Variants in OSBP2 observed in about 807,000 individuals in gnomAD.
OSBP2 encodes oxysterol binding protein 2, also known as oxysterol-binding protein 2.
OSBP2 carries 66 observed loss-of-function variants against 96.0 expected under a neutral mutation model. The ratio of observed to expected loss-of-function variants is 0.69; its 90% confidence interval spans 0.56 to 0.84. The LOEUF is 0.84. Among genes scored for constraint, OSBP2 ranks in the 40% least tolerant of loss-of-function variants. The pLI, the probability that OSBP2 is intolerant of heterozygous loss-of-function variation, is 0.00. For synonymous variants in OSBP2, 525 were observed against 520.9 expected, an observed-to-expected ratio of 1.01 and a Z score of -0.11; for missense variants, 1,038 against 1,222.7, an observed-to-expected ratio of 0.85 and a Z score of 2.25.
intron 2 of OSBP2, among the ~76,000 whole-genome samples, chr22:30,818,678 G>A (rs905827523): frequency 2.6e-5 from 4 of 152,164 alleles, no homozygotes; most frequent in African/African-American, 9.7e-5. Flanking sequence ...GTGTGTGTGT[G>A]CCACATTATT....
At chr22:30,822,786 C>A in intron 2 of OSBP2, 2 of 1,306,458 alleles carry the variant, frequency 1.5e-6, no homozygotes, top group Non-Finnish European at 2.1e-6. Context: ...GGCTTTGCTG[C>A]GTGATCGATC....
chr22:30,887,400 T>G (rs1028957993), intron 3 of OSBP2, 26 bp from the exon 4 acceptor site: 15 of 1,599,526 alleles, frequency 9.4e-6, no homozygotes, highest in Non-Finnish European at 1.3e-5. Context: ...GGCCAGGGTC[T>G]CATACCGCCA....
intron 2 of OSBP2, among the ~76,000 whole-genome samples, chr22:30,774,409 T>C (rs907027489): frequency 1.2e-4 from 19 of 152,172 alleles, no homozygotes; most frequent in African/African-American, 4.1e-4. Context: ...GTGGAGAGCA[T>C]TGTCATTGGA....
At chr22:30,793,762 A>G (rs946571122) in intron 2 of OSBP2, among the ~76,000 whole-genome samples, 6 of 152,210 alleles carry the variant, frequency 3.9e-5, no homozygotes, top group Non-Finnish European at 8.8e-5. Context: ...TGGGAGGCTG[A>G]GCCCAGGAGT....
At chr22:30,879,530 C>T (rs1232677476) in intron 3 of OSBP2, among the ~76,000 whole-genome samples, 2 of 152,082 alleles carry the variant, frequency 1.3e-5, no homozygotes, top group East Asian at 3.9e-4. Flanking sequence ...GGGCCAAGCG[C>T]TCCTGTGAGG....
intron 1 of OSBP2, among the ~76,000 whole-genome samples, chr22:30,698,156 T>C (rs1488186645): frequency 6.6e-6 from 1 of 152,148 alleles, no homozygotes; most frequent in African/African-American, 2.4e-5. Context: ...ATGCGCCAAA[T>C]GTGCCCAGTG....
intron 2 of OSBP2, among the ~76,000 whole-genome samples, chr22:30,839,724 T>C (rs998341160): frequency 4.0e-5 from 6 of 151,738 alleles, no homozygotes. Context: ...TTGAGTTCAT[T>C]GTAGATTCTG....
Position 30,881,768 on chromosome 22 carries a change from C to A in OSBP2, c.1108-5658C>A. The A allele has an allele frequency of 7.7e-7, 1 of 1,304,202 alleles. No homozygotes were observed. The highest frequency in any genetic ancestry group is 1.0e-6 in the Non-Finnish European group (1 of 988,936). 80.8% of individuals were successfully genotyped at this position (1,304,202 alleles called of 1,614,324 possible). ...GGGGCCTGGAGAAGGCCGGCAGCAGCAGAGGAGACCCTGGGAGTCAGGGAT... is the reference window on the plus strand; with the variant it reads ...GGGGCCTGGAGAAGGCCGGCAGCAGAAGAGGAGACCCTGGGAGTCAGGGAT... On this transcript the variant is annotated intron_variant, in intron 3 of 13. Transcript: ENST00000332585. This position sits in a 1 kb window ranked among gnomAD's most constrained non-coding sequence, Gnocchi z 4.5.
chr22:30,712,585 T>C (rs996374629), intron 1 of OSBP2, among the ~76,000 whole-genome samples: 2 of 152,196 alleles, frequency 1.3e-5, no homozygotes, highest in African/African-American at 2.4e-5. Context: ...ATCTTTTATA[T>C]GTGTGGATCT....
intron 2 of OSBP2, among the ~76,000 whole-genome samples, chr22:30,848,063 CTTAAAGG>C (rs1477218846): frequency 6.6e-6 from 1 of 152,062 alleles, no homozygotes; most frequent in Non-Finnish European, 1.5e-5. Flanking sequence ...CTGACTATGT[CTTAAAGG>C]TTTTTTCCAT....
chr22:30,720,649 G>A (rs1345597939), intron 1 of OSBP2, among the ~76,000 whole-genome samples: 1 of 152,156 alleles, frequency 6.6e-6, no homozygotes, highest in South Asian at 2.1e-4. Flanking sequence ...TCTGTCAACA[G>A]CCCTGCTTGG....
chr22:30,790,653 TA>T (rs136297), intron 2 of OSBP2, among the ~76,000 whole-genome samples: 40,656 of 136,836 alleles, frequency 0.3, 5,893 homozygotes, highest in Middle Eastern at 0.36. Flanking sequence ...CAAACTGCAT[TA>T]AAAAAAAAAA....
intron 2 of OSBP2, among the ~76,000 whole-genome samples, chr22:30,792,340 C>G (rs1487134333): frequency 6.6e-6 from 1 of 151,956 alleles, no homozygotes; most frequent in Non-Finnish European, 1.5e-5. Context: ...AATTATCAAT[C>G]ACTATGGTTT....
chr22:30,820,053 T>G (rs2091129390), intron 2 of OSBP2, among the ~76,000 whole-genome samples: 1 of 152,206 alleles, frequency 6.6e-6, no homozygotes, highest in South Asian at 2.1e-4. Flanking sequence ...ACAAATTGCC[T>G]GTATGTTTCT....
Position 30,890,991 on chromosome 22 carries a change from G to C in OSBP2, c.1869+18G>C, listed in dbSNP as rs1202917480. 8 of 1,596,198 alleles carry C rather than the reference G, an allele frequency of 5.0e-6. No individual in the cohort carries two copies. Among genetic ancestry groups the C allele is most frequent in the Non-Finnish European group, 6.8e-6 (8 of 1,175,924 alleles). ...GTGAGCAGGTGAGGGGGCTAGGCTG[G>C]CACTGGGTGGCGCCCACCCACACTC... On this transcript the variant is annotated intron_variant, in intron 8 of 13. Coordinates refer to ENST00000332585, the MANE Select transcript of OSBP2 (RefSeq NM_030758.4). The surrounding 1 kb of genome is among the most constrained non-coding windows in gnomAD (Gnocchi z 4.4).
At chr22:30,807,345 G>T (rs2090942517) in intron 2 of OSBP2, among the ~76,000 whole-genome samples, 1 of 152,208 alleles carries the variant, frequency 6.6e-6, no homozygotes. Flanking sequence ...CCACTGCCCT[G>T]ATTGGGCTCC....
intron 2 of OSBP2, among the ~76,000 whole-genome samples, chr22:30,742,973 C>T (rs919158226): frequency 6.6e-6 from 1 of 152,220 alleles, no homozygotes; most frequent in Admixed American, 6.5e-5. Context: ...AGGACACACA[C>T]CTCCCACAGC....
At chr22:30,718,018 G>C (rs2089491341) in intron 1 of OSBP2, among the ~76,000 whole-genome samples, 1 of 152,188 alleles carries the variant, frequency 6.6e-6, no homozygotes, top group African/African-American at 2.4e-5. Flanking sequence ...GACCAGGCCA[G>C]GTCTCCTTCA....
intron 12 of OSBP2, among the ~76,000 whole-genome samples, chr22:30,900,114 C>T (rs1402664557): frequency 2.0e-5 from 3 of 151,978 alleles, no homozygotes; most frequent in African/African-American, 2.4e-5. Flanking sequence ...CGACATTAGG[C>T]GTGGCGGCGC....
Sources: allele counts gnomAD v4.1 joint callset (sites outside exome capture counted in the v4.1 genomes callset), GRCh38; gene constraint gnomAD v4.1.1; non-coding constraint Gnocchi (gnomAD v3.1); transcripts MANE v1.5; gene names NCBI Gene and HGNC (gene_info 2026-07-23, HGNC 2026-07-21).